EWSR1: variants seen among roughly 807,000 people sequenced by gnomAD.
EWSR1 encodes RNA-binding protein EWS.
Under a neutral mutation model 92.1 loss-of-function variants are expected in EWSR1, and 14 were observed. The ratio of observed to expected loss-of-function variants is 0.15; its 90% CI spans 0.10 to 0.24. The LOEUF is 0.24. EWSR1 is among the 10% of genes least tolerant of loss of function. The probability of loss-of-function intolerance (pLI) is 1.00; values close to 1 mark genes in which losing one functional copy is unlikely to be tolerated. For synonymous variants in EWSR1, 303 were observed against 292.9 expected (o/e 1.03, Z -0.35); for missense variants, 637 against 870.9 (o/e 0.73, Z 3.38).
intron 5 of EWSR1, among the ~76,000 whole-genome samples, chr22:29,280,275 C>T (rs2059458321): frequency 6.6e-6 from 1 of 152,166 alleles, no homozygotes. Context: ...ACTATGTTGG[C>T]CAGGCTGGTC....
chr22:29,296,275 T>G lies in EWSR1; in HGVS notation c.1201T>G (p.Tyr401Asp). ...AACTGGGCAACCCATGATCCACATC[T>G]ACCTGGACAAGGAAACAGGAAAGCC... ...KRTGQPMIHIYLDKETGKPKG... is the reference protein window; with the variant it reads ...KRTGQPMIHIDLDKETGKPKG... Residue 401 changes from tyrosine (Y) to aspartate (D), a missense_variant, in exon 12 of 17, where the codon TAC (tyrosine) becomes GAC (aspartate). By Grantham distance (160) the Tyr-to-Asp change is radical. This residue lies in a region of EWSR1 where 363 missense variants were observed against 447.8 expected (regional missense o/e 0.81). Coordinates refer to ENST00000397938, the MANE Select transcript of EWSR1 (RefSeq NM_005243.4). 6.2e-7 allele frequency: 1 copy of G among 1,614,182 alleles called. No individual in the cohort carries two copies.
At chr22:29,290,330 C>T (rs2060357370) in intron 8 of EWSR1, 1 of 1,397,340 alleles carries the variant, frequency 7.2e-7, no homozygotes, top group Admixed American at 2.2e-5. Context: ...TGCCCTTTTT[C>T]ATTGCCTCAG....
In EWSR1 at chr22:29,272,448, T is replaced by C; in HGVS notation, c.102+17T>C. ...ACCACCCAGGTAATCTTTAAAATAA[T>C]TACATGTAGCTGCACCTCCAAGTAA... is the stretch of plus-strand genomic sequence containing the variant. On this transcript the variant is annotated intron_variant, in intron 3 of 16. Coordinates refer to ENST00000397938, the MANE Select transcript of EWSR1 (RefSeq NM_005243.4). 3 of 1,587,640 alleles carry C rather than the reference T, an allele frequency of 1.9e-6. No homozygotes were observed. The highest frequency in any genetic ancestry group is 1.7e-6 in the Non-Finnish European group (2 of 1,159,336).
rs114097054 is a variant in EWSR1, at chr22:29,299,881, C to T, written c.1931+30C>T. The T allele has an allele frequency of 3.0e-3, 4,513 of 1,527,368 alleles. 33 individuals carry two copies. In the African/African-American group the frequency reaches 0.033, roughly 11 times the overall value. 94.6% of individuals were successfully genotyped at this position (1,527,368 alleles called of 1,614,324 possible). Reference sequence around the variant, plus strand: ...GTGCTGGTGAAAAGCAGCTGTGGGCCGCCAGGCACAGTAAGAGGACAGCCC... The same window carrying T: ...GTGCTGGTGAAAAGCAGCTGTGGGCTGCCAGGCACAGTAAGAGGACAGCCC... On this transcript the variant is annotated intron_variant, in intron 16 of 16. Transcript: ENST00000397938.
intron 8 of EWSR1, chr22:29,289,938 A>C (rs891963763): frequency 2.6e-5 from 6 of 231,192 alleles, no homozygotes; most frequent in Non-Finnish European, 3.4e-5. Flanking sequence ...CTCTATTATA[A>C]AGGTTTCACT....
intron 3 of EWSR1, 138 bp downstream of exon 3, chr22:29,272,569 C>T: frequency 3.5e-6 from 3 of 851,644 alleles, no homozygotes; most frequent in Non-Finnish European, 5.6e-6. Flanking sequence ...TAAACTTTCA[C>T]AGTGGGAGTG....
chr22:29,292,566 A>G lies in EWSR1; in HGVS notation c.1124A>G (p.Asp375Gly), dbSNP rs775430263. ...GGATTAAATGACAGTGTGACTCTAG[A>G]TGATCTGGCAGACTTCTTTAAGCAG... ...VQGLNDSVTL[D>G]DLADFFKQCG... Residue 375 changes from aspartate to glycine, a missense_variant, in exon 11 of 17, where the codon GAT becomes GGT. By Grantham distance (94) the Asp-to-Gly change is moderately conservative (BLOSUM62 -1). Transcript: ENST00000397938. 9 of 1,613,898 alleles carry G rather than the reference A, an allele frequency of 5.6e-6. No homozygotes were observed. Among genetic ancestry groups the G allele is most frequent in the Non-Finnish European group, 7.6e-6 (9 of 1,179,928 alleles).
rs1412734875 is a variant in EWSR1, at chr22:29,300,493, T to A, written c.*332T>A. The stretch of plus-strand genomic sequence containing the variant: ...TGGTTGTGATGTTTTTTTTTTTTTT[T>A]TAAATAAAATTCCAAATGTTTATAA... On this transcript the variant is annotated 3_prime_UTR_variant, in exon 17 of 17. Transcript: ENST00000397938. 4.1e-6 allele frequency: 1 copy of A among 243,792 alleles called. No homozygotes were observed. The highest frequency in any genetic ancestry group is 2.2e-5 in the African/African-American group (1 of 44,784). 15.1% of individuals were successfully genotyped at this position (243,792 alleles called of 1,614,324 possible).
At position 29,268,311 on chromosome 22, in the gene EWSR1, G is replaced by T; in HGVS notation, c.-26G>T. On this transcript the variant is annotated 5_prime_UTR_variant, in exon 1 of 17. Transcript: ENST00000397938. ...GGAAAGCGAGAGGGAGACGGACGTT[G>T]AGAGAACGAGGAGGAAGGAGAGAAA... is the stretch of plus-strand genomic sequence containing the variant. 6.2e-7 allele frequency: 1 copy of T among 1,613,260 alleles called. No individual in the cohort carries two copies. The highest frequency in any genetic ancestry group is 8.5e-7 in the Non-Finnish European group (1 of 1,179,248).
At chr22:29,273,694 C>A in intron 3 of EWSR1, 47 bp from the exon 4 acceptor site, 1 of 1,584,024 alleles carries the variant, frequency 6.3e-7, no homozygotes, top group Non-Finnish European at 8.6e-7. Context: ...TGCTAAAATA[C>A]AAAAGTTCAT....
intron 11 of EWSR1, 32 bp from the exon 12 acceptor site, chr22:29,296,207 A>G (rs1469520178): frequency 1.2e-6 from 2 of 1,607,058 alleles, no homozygotes; most frequent in South Asian, 1.1e-5. Flanking sequence ...AGTATATTCT[A>G]GTCATGCCTA....
chr22:29,272,140 G>T, intron 1 of EWSR1, 76 bp from the exon 2 acceptor site: 2 of 1,361,500 alleles, frequency 1.5e-6, no homozygotes, highest in Admixed American at 3.4e-5. Flanking sequence ...CCTGCCACGT[G>T]AATTCTTTCC....
rs186612359 is a variant in EWSR1 at position 29,295,408 on chromosome 22, G to A, written c.1165-831G>A. On this transcript the variant is annotated intron_variant, in intron 11 of 16. Transcript: ENST00000397938. ...CCAAGGCAGGAGGATCCCAAGGATT[G>A]CTTGAGCCCAGGAGTTTGAGACCAG... The A allele has an allele frequency of 2.0e-3, 423 of 210,996 alleles. 9 individuals are homozygous for A. Among genetic ancestry groups the A allele is most frequent in the Non-Finnish European group, 4.7e-4 (49 of 104,078 alleles). 13.1% of individuals were successfully genotyped at this position (210,996 alleles called of 1,614,324 possible). A position where few individuals can be genotyped will look rare whatever the true frequency, so the allele number is the denominator to read the frequency against.
In EWSR1 at chr22:29,288,629, A is replaced by G; in HGVS notation, c.817A>G (p.Ser273Gly). 3 of 1,613,166 alleles carry G rather than the reference A, an allele frequency of 1.9e-6. No homozygotes were observed. The South Asian group carries it at 3.3e-5, about 18-fold the overall frequency. ...QQSSFRQDHP[S>G]SMGVYGQESG... Reference sequence around the variant, plus strand: ...AGGTTCATTCCGACAGGACCACCCCAGTAGCATGGGTGTTTATGGGCAGGA... The same window carrying G: ...AGGTTCATTCCGACAGGACCACCCCGGTAGCATGGGTGTTTATGGGCAGGA... Residue 273 changes from serine (S) to glycine (G), a missense_variant, in exon 8 of 17, where the codon AGT (serine) becomes GGT (glycine). Physicochemically the swap from Ser to Gly is moderately conservative, Grantham distance 56. This residue lies in a region of EWSR1 where 116 missense variants were observed against 167.8 expected (regional missense o/e 0.69). Transcript: ENST00000397938.
In EWSR1 at chr22:29,283,694, A is replaced by G. The variant is rs541023987; in HGVS notation, c.581+1137A>G. On this transcript the variant is annotated intron_variant, in intron 6 of 16. Coordinates refer to ENST00000397938, the MANE Select transcript of EWSR1 (RefSeq NM_005243.4). ...GTGCTCACTACCACACCTGGCAAAA[A>G]TTTTTTTTTTTGTATTTTTAGTAGA... Among the ~76,000 whole-genome samples the G allele has an allele frequency of 3.4e-5, 5 of 147,580 alleles. No homozygotes were observed. In the South Asian group the frequency reaches 8.5e-4, roughly 25 times the overall value.
rs1399538167 is a variant in EWSR1 at position 29,296,225 on chromosome 22, TA to T, written c.1165-13del. 1 of 1,613,108 alleles carries T rather than the reference TA, an allele frequency of 6.2e-7. No individual in the cohort carries two copies. Among genetic ancestry groups the T allele is most frequent in the South Asian group, 1.1e-5 (1 of 90,844 alleles). On this transcript the variant is annotated splice_polypyrimidine_tract_variant and intron_variant, in intron 11 of 16. Coordinates refer to ENST00000397938, the MANE Select transcript of EWSR1 (RefSeq NM_005243.4). Reference sequence around the variant, plus strand: ...ATATTCTAGTCATGCCTAACTATGCTATTCTTTGTCTAGATGAACAAGAGAA... The same window carrying T: ...ATATTCTAGTCATGCCTAACTATGCTTTCTTTGTCTAGATGAACAAGAGAA...
chr22:29,277,760 G>A, intron 4 of EWSR1: 1 of 413,818 alleles, frequency 2.4e-6, no homozygotes, highest in South Asian at 4.0e-5. Context: ...GGGGGCAGAA[G>A]GAACCCTGTT....
intron 4 of EWSR1, chr22:29,276,173 G>A (rs1340561343): frequency 1.7e-5 from 4 of 230,318 alleles, no homozygotes; most frequent in Non-Finnish European, 2.6e-5. Flanking sequence ...TCTTATAGAC[G>A]TGTCATGTAG....
rs979736959 is a variant in EWSR1, at chr22:29,281,328, G to A, written c.414-1062G>A. ...CCGCACCTGGCAGTTTGTTTTTTTTGAGATGGAGTCTCTCTGTTGCCCAGG... is the reference window on the plus strand; with the variant it reads ...CCGCACCTGGCAGTTTGTTTTTTTTAAGATGGAGTCTCTCTGTTGCCCAGG... On this transcript the variant is annotated intron_variant, in intron 5 of 16. Coordinates refer to ENST00000397938, the MANE Select transcript of EWSR1 (RefSeq NM_005243.4). Among the ~76,000 whole-genome samples the A allele has an allele frequency of 2.7e-5, 4 of 149,924 alleles. No individual in the cohort carries two copies. In the Admixed American group the frequency reaches 2.7e-4, roughly 10 times the overall value.
Sources: gnomAD v4.1 joint callset for allele counts (sites outside exome capture counted in the v4.1 genomes callset) on GRCh38, gnomAD v4.1.1 for gene constraint, gnomAD v4.1.1 regional missense constraint, MANE v1.5 for transcripts, NCBI Gene and HGNC (gene_info 2026-07-23, HGNC 2026-07-21) for gene names.